The following DNAH10 variants were observed in gnomAD, a reference collection of about 807,000 sequenced individuals.
DNAH10 encodes dynein axonemal heavy chain 10.
DNAH10 carries 348 observed loss-of-function variants against 506.6 expected under a neutral mutation model. The observed-to-expected ratio is 0.69, with a 90% confidence interval of 0.63 to 0.75. The LOEUF is 0.75. DNAH10 is among the 30% of genes least tolerant of loss of function. DNAH10 has a pLI of 0.00. For missense variants in DNAH10, 5,179 were observed against 5,787.1 expected (o/e 0.89, Z 3.41); for synonymous variants, 2,059 against 2,198.6 (o/e 0.94, Z 1.78).
At chr12:123,875,557 C>T in intron 47 of DNAH10, 66 bp downstream of exon 47, 1 of 1,588,190 alleles carries the variant, frequency 6.3e-7, no homozygotes, top group Non-Finnish European at 8.6e-7. Flanking sequence ...ATACACAGGG[C>T]TGACTTATCC....
intron 69 of DNAH10, chr12:123,927,953 G>C (rs1028731788): frequency 1.1e-5 from 2 of 185,448 alleles, no homozygotes; most frequent in African/African-American, 2.4e-5. Flanking sequence ...TTTGTGCTTT[G>C]AATTACATTT....
In DNAH10 at chr12:123,902,442, A is replaced by G. The variant is rs981005350; in HGVS notation, c.9641-497A>G. Among the ~76,000 whole-genome samples the G allele has an allele frequency of 6.6e-6, 1 of 152,184 alleles. No individual in the cohort carries two copies. Among genetic ancestry groups the G allele is most frequent in the Non-Finnish European group, 1.5e-5 (1 of 68,032 alleles). On this transcript the variant is annotated intron_variant, in intron 56 of 78. Transcript: ENST00000673944. This position sits in a 1 kb window ranked among gnomAD's most constrained non-coding sequence, Gnocchi z 4.5. ...CAGTGAATCAGCCAGTGGTGAAATG[A>G]AACTTCCGATTGCGATTGGTGTCAT...
At chr12:123,855,549 G>C (rs747733801) in intron 36 of DNAH10, among the ~76,000 whole-genome samples, 8 of 150,840 alleles carry the variant, frequency 5.3e-5, no homozygotes, top group African/African-American at 2.0e-4. Context: ...TAGGAGGATT[G>C]CTTGAACCTG....
At chr12:123,878,923 G>GA (rs767648606) in intron 48 of DNAH10, among the ~76,000 whole-genome samples, 1 of 152,084 alleles carries the variant, frequency 6.6e-6, no homozygotes, top group Non-Finnish European at 1.5e-5. Context: ...GAGAGAAAAA[G>GA]AAGTTGCCAG....
intron 39 of DNAH10, among the ~76,000 whole-genome samples, chr12:123,863,417 A>G (rs76555752): frequency 1.3e-5 from 2 of 152,342 alleles, no homozygotes; most frequent in African/African-American, 2.4e-5. Context: ...TAGGGCTGCC[A>G]TAACAAATAA....
At chr12:123,894,136 A>G (rs1054832611) in intron 53 of DNAH10, among the ~76,000 whole-genome samples, 2 of 126,636 alleles carry the variant, frequency 1.6e-5, no homozygotes, top group African/African-American at 6.2e-5. Flanking sequence ...TGTCGCCCAG[A>G]TTAGAGTGCA....
intron 19 of DNAH10, among the ~76,000 whole-genome samples, chr12:123,811,799 G>T (rs1206669168): frequency 2.0e-5 from 3 of 150,906 alleles, no homozygotes; most frequent in African/African-American, 7.3e-5. Flanking sequence ...CACTGCGCCT[G>T]GCCTAATTTT....
intron 57 of DNAH10, among the ~76,000 whole-genome samples, chr12:123,908,064 G>GCTGTCTCCTCCTTGTCTCC (rs1566082633): frequency 7.3e-6 from 1 of 137,220 alleles, no homozygotes; most frequent in African/African-American, 2.9e-5. Flanking sequence ...GTCTGCTCAG[G>GCTGTCTCCTCCTTGTCTCC]CTGTCTCCTC....
chr12:123,810,483 C>T (rs1958889489), intron 19 of DNAH10, among the ~76,000 whole-genome samples: 1 of 152,142 alleles, frequency 6.6e-6, no homozygotes, highest in African/African-American at 2.4e-5. Flanking sequence ...GAGATTGAGA[C>T]CATCCTGGCT....
chr12:123,933,583 A>G (rs1955321276), intron 77 of DNAH10, 72 bp downstream of exon 77: 6 of 1,504,040 alleles, frequency 4.0e-6, no homozygotes, highest in Non-Finnish European at 2.7e-6. Flanking sequence ...TCCAACTCAA[A>G]GGGACAGGCA....
rs771280693 is a variant in DNAH10 at position 123,917,828 on chromosome 12, G to A, written c.11232+15G>A. The A allele has an allele frequency of 2.1e-5, 32 of 1,558,346 alleles. No homozygotes were observed. The African/African-American group carries it at 3.8e-4, about 19-fold the overall frequency. ...AGGCAACAGAGGTAGCAACCACAGT[G>A]GAAGAGGCCGTGAGTCAGGCGGGGC... is the stretch of plus-strand genomic sequence containing the variant. On this transcript the variant is annotated intron_variant, in intron 64 of 78. Coordinates refer to ENST00000673944, the MANE Select transcript of DNAH10 (RefSeq NM_001372106.1). This position sits in a 1 kb window ranked among gnomAD's most constrained non-coding sequence, Gnocchi z 5.6.
In DNAH10 at chr12:123,861,103, T is replaced by A; in HGVS notation, c.6841T>A (p.Trp2281Arg). The change falls in exon 39 of 79, where the codon TGG becomes AGG. Residue 2281 changes from tryptophan (W) to arginine (R), a missense_variant. Transcript: ENST00000673944. ...YGILDPTTRD[W>R]TDGVLSNIFR... The stretch of plus-strand genomic sequence containing the variant: ...CATCCTGGACCCAACCACCCGAGAC[T>A]GGACAGATGGGGTGTTGTCAAACAT... The A allele has an allele frequency of 6.2e-7, 1 of 1,613,338 alleles. No homozygotes were observed. Among genetic ancestry groups the A allele is most frequent in the Non-Finnish European group, 8.5e-7 (1 of 1,179,656 alleles).
chr12:123,898,550 T>C (rs2137243351), intron 55 of DNAH10, 103 bp from the exon 56 acceptor site: 17 of 1,347,732 alleles, frequency 1.3e-5, no homozygotes, highest in Non-Finnish European at 1.7e-5. Flanking sequence ...CTTGTAAAAA[T>C]GTTTTGTTTT....
intron 4 of DNAH10, 66 bp downstream of exon 4, chr12:123,773,008 C>G (rs1957315821): frequency 1.8e-6 from 2 of 1,081,916 alleles, no homozygotes; most frequent in African/African-American, 1.6e-5. Context: ...CACTTGTTCA[C>G]TCTCATTCTG....
chr12:123,885,586 G>A (rs1346258800), intron 51 of DNAH10, among the ~76,000 whole-genome samples: 1 of 152,056 alleles, frequency 6.6e-6, no homozygotes, highest in East Asian at 1.9e-4. Context: ...TGGGAAGGTT[G>A]GATCTAAACT....
rs1381015230 is a variant in DNAH10, at chr12:123,853,557, T to G, written c.6438+205T>G. 1.3e-5 allele frequency among the ~76,000 whole-genome samples: 2 copies of G among 152,196 alleles called. No homozygotes were observed. Among genetic ancestry groups the G allele is most frequent in the South Asian group, 2.1e-4 (1 of 4,832 alleles). On this transcript the variant is annotated intron_variant, in intron 36 of 78. Coordinates refer to ENST00000673944, the MANE Select transcript of DNAH10 (RefSeq NM_001372106.1). This position sits in a 1 kb window ranked among gnomAD's most constrained non-coding sequence, Gnocchi z 4.7. Reference sequence around the variant, plus strand: ...TTACACTTAGTACCTTAAGGTCAAGTGCAATGTCTTCGCTCCAATAGCAAC... The same window carrying G: ...TTACACTTAGTACCTTAAGGTCAAGGGCAATGTCTTCGCTCCAATAGCAAC...
rs1233787355 is a variant in DNAH10, at chr12:123,902,598, G to A, written c.9641-341G>A. Among the ~76,000 whole-genome samples the A allele has an allele frequency of 6.6e-6, 1 of 152,146 alleles. No homozygotes were observed. Among genetic ancestry groups the A allele is most frequent in the Non-Finnish European group, 1.5e-5 (1 of 68,022 alleles). On this transcript the variant is annotated intron_variant, in intron 56 of 78. Transcript: ENST00000673944. This position sits in a 1 kb window ranked among gnomAD's most constrained non-coding sequence, Gnocchi z 4.5. Reference sequence around the variant, plus strand: ...CAGAAGGAGGAGATCGCAGGGAGCCGGTAAGCAGGAGGGGGACCCCAGCAT... The same window carrying A: ...CAGAAGGAGGAGATCGCAGGGAGCCAGTAAGCAGGAGGGGGACCCCAGCAT...
Position 123,762,503 on chromosome 12 carries a change from T to C in DNAH10, c.167T>C (p.Leu56Pro). The C allele has an allele frequency of 6.5e-7, 1 of 1,535,896 alleles. No individual in the cohort carries two copies. Among genetic ancestry groups the C allele is most frequent in the Non-Finnish European group, 8.8e-7 (1 of 1,139,214 alleles). The change falls in exon 1 of 79, where the codon CTC (leucine) becomes CCC (proline). Residue 56 changes from leucine (L) to proline (P), a missense_variant. Around this residue, in one of 3 missense-constraint regions of DNAH10, gnomAD observed 326 missense variants for 330.8 expected, o/e 0.99. Coordinates refer to ENST00000673944, the MANE Select transcript of DNAH10 (RefSeq NM_001372106.1). The surrounding 1 kb of genome is among the most constrained non-coding windows in gnomAD (Gnocchi z 5.0). ...QASEEEGPSA[L>P]FIYRTMVPEE... ...AGCGAGGAGGAGGGGCCCTCGGCGC[T>C]CTTCATCTACCGCACTATGGTGCCG...
intron 21 of DNAH10, among the ~76,000 whole-genome samples, chr12:123,814,417 T>G (rs77649058): frequency 0.013 from 2,006 of 152,168 alleles, 18 homozygotes; most frequent in Admixed American, 0.021. Context: ...GAAAGTCAAG[T>G]TTTTGGCCCA....
Sources: allele counts gnomAD v4.1 joint callset (sites outside exome capture counted in the v4.1 genomes callset), GRCh38; gene constraint gnomAD v4.1.1; regional missense constraint gnomAD v4.1.1; non-coding constraint Gnocchi (gnomAD v3.1); transcripts MANE v1.5; gene names NCBI Gene and HGNC (gene_info 2026-07-23, HGNC 2026-07-21).